Variants in MLIP observed in about 807,000 individuals in gnomAD.
MLIP encodes muscular LMNA-interacting protein.
In MLIP, 79 loss-of-function variants were observed where a neutral mutation model predicts 84.8. The ratio of observed to expected loss-of-function variants is 0.93; its 90% CI spans 0.78 to 1.12. MLIP has a LOEUF of 1.12. Among genes scored for constraint, MLIP ranks in the 50% most tolerant of loss-of-function variants. The probability of loss-of-function intolerance (pLI) is 0.00; values close to 1 mark genes in which losing one functional copy is unlikely to be tolerated. For missense variants in MLIP, 1,257 were observed against 1,160.6 expected, an observed-to-expected ratio of 1.08 and a Z score of -1.21; for synonymous variants, 504 against 463.0, an observed-to-expected ratio of 1.09 and a Z score of -1.14.
intron 11 of MLIP, chr6:54,215,033 TA>T (rs1301638234): frequency 1.4e-6 from 1 of 718,224 alleles, no homozygotes; most frequent in African/African-American, 1.8e-5. Context: ...TAGATTCTAG[TA>T]AGTTCTCAAT....
intron 10 of MLIP, among the ~76,000 whole-genome samples, chr6:54,195,514 T>A (rs868509685): frequency 1.3e-5 from 2 of 152,148 alleles, no homozygotes; most frequent in South Asian, 4.1e-4. Flanking sequence ...CGCTGGTAGT[T>A]AATCTCCAAC....
chr6:54,203,130 G>A lies in MLIP; in HGVS notation c.2718+897G>A, dbSNP rs538579004. ...GATTCTCCTTATATATGTTGAAGGA[G>A]GTATAATGGAGAATTGTCAATGGTG... is the stretch of plus-strand genomic sequence containing the variant. On this transcript the variant is annotated intron_variant, in intron 11 of 13. Transcript: ENST00000502396. 8.5e-5 allele frequency among the ~76,000 whole-genome samples: 13 copies of A among 152,102 alleles called. No individual in the cohort carries two copies. The East Asian group carries it at 2.1e-3, about 25-fold the overall frequency.
At chr6:54,219,253 A>G (rs1780058507) in intron 11 of MLIP, among the ~76,000 whole-genome samples, 1 of 151,414 alleles carries the variant, frequency 6.6e-6, no homozygotes, top group South Asian at 2.1e-4. Flanking sequence ...ATAAAAAGAT[A>G]CAAACACATT....
chr6:54,065,659 G>A lies in MLIP; in HGVS notation c.63+46568G>A, dbSNP rs988760789. On this transcript the variant is annotated intron_variant, in intron 1 of 12. Coordinates refer to the MLIP transcript ENST00000274897. ...GTCAATCTTAGACAGCATCTGAAGC[G>A]GTTGGGTGGATTTTGGTTCCCTCCA... is the stretch of plus-strand genomic sequence containing the variant. 6.0e-5 allele frequency among the ~76,000 whole-genome samples: 6 copies of A among 99,444 alleles called. 1 individual carries two copies. The highest frequency in any genetic ancestry group is 1.0e-4 in the African/African-American group (4 of 38,896). The allele number at this position is 99,444 out of a possible 152,430, so 65.2% of individuals were successfully genotyped here. A position where few individuals can be genotyped will look rare whatever the true frequency, so the allele number is the denominator to read the frequency against.
At chr6:54,186,685 G>A (rs1034501309) in intron 9 of MLIP, among the ~76,000 whole-genome samples, 7 of 152,142 alleles carry the variant, frequency 4.6e-5, no homozygotes, top group African/African-American at 1.7e-4. Flanking sequence ...CAGCTTTTGT[G>A]AGAACTCACT....
At chr6:54,240,846 C>T (rs974099621) in intron 12 of MLIP, among the ~76,000 whole-genome samples, 1 of 152,042 alleles carries the variant, frequency 6.6e-6, no homozygotes, top group Non-Finnish European at 1.5e-5. Context: ...CGTGGTGGCA[C>T]GCACCTGTAG....
intron 1 of MLIP, among the ~76,000 whole-genome samples, chr6:54,101,708 T>C (rs1251863329): frequency 6.6e-6 from 1 of 152,154 alleles, no homozygotes; most frequent in Non-Finnish European, 1.5e-5. Context: ...ATGTAGCCAT[T>C]CAACAATAAT....
At chr6:54,037,120 A>G (rs1227322095) in intron 1 of MLIP, among the ~76,000 whole-genome samples, 5 of 151,906 alleles carry the variant, frequency 3.3e-5, no homozygotes, top group Non-Finnish European at 4.4e-5. Context: ...GTCTCTAACC[A>G]TTTGTATTGC....
intron 1 of MLIP, among the ~76,000 whole-genome samples, chr6:54,113,585 A>G (rs748403495): frequency 6.6e-6 from 1 of 152,202 alleles, no homozygotes; most frequent in Non-Finnish European, 1.5e-5. Flanking sequence ...TTGAAAATTA[A>G]AAGTTTTTAA....
intron 8 of MLIP, among the ~76,000 whole-genome samples, chr6:54,169,303 A>T (rs1475427485): frequency 6.6e-6 from 1 of 151,758 alleles, no homozygotes; most frequent in East Asian, 1.9e-4. Context: ...ATGAGTTGAC[A>T]TCATCAATAA....
At chr6:54,051,638 T>C (rs535677935) in intron 1 of MLIP, among the ~76,000 whole-genome samples, 1 of 152,152 alleles carries the variant, frequency 6.6e-6, no homozygotes, top group Admixed American at 6.5e-5. Context: ...AAAAAGAAAA[T>C]CTGGGATTCT....
rs184612854 is a variant in MLIP at position 54,239,139 on chromosome 6, T to C, written c.2922+8222T>C. On this transcript the variant is annotated intron_variant, in intron 12 of 13. Coordinates refer to ENST00000502396, the MANE Select transcript of MLIP (RefSeq NM_001281747.2). ...GTCTCTTAAAAAATCTCTACCACTATAGCTTTCACTTCATAGCCAGAGCAG... is the reference window on the plus strand; with the variant it reads ...GTCTCTTAAAAAATCTCTACCACTACAGCTTTCACTTCATAGCCAGAGCAG... Among the ~76,000 whole-genome samples the C allele has an allele frequency of 2.6e-3, 400 of 152,030 alleles. 3 individuals are homozygous for C. Among genetic ancestry groups the C allele is most frequent in the Middle Eastern group, 0.017 (5 of 294 alleles).
upstream of MLIP, among the ~76,000 whole-genome samples, chr6:54,107,705 G>A (rs558302371): frequency 2.4e-4 from 37 of 152,308 alleles, no homozygotes; most frequent in African/African-American, 8.7e-4. Context: ...CTCCCGTCAC[G>A]AGTGAAGGTG....
chr6:54,241,841 G>A (rs191457590), intron 12 of MLIP, among the ~76,000 whole-genome samples: 36 of 152,224 alleles, frequency 2.4e-4, no homozygotes, highest in Non-Finnish European at 4.6e-4. Context: ...GGGGATGAGA[G>A]TGAGCAAATA....
intron 10 of MLIP, among the ~76,000 whole-genome samples, chr6:54,198,898 ATG>A (rs1038018233): frequency 1.2e-5 from 1 of 82,500 alleles, no homozygotes; most frequent in African/African-American, 2.8e-5. Context: ...GTGTGTGTAT[ATG>A]TGTGTGTGTG....
intron 12 of MLIP, among the ~76,000 whole-genome samples, chr6:54,249,614 A>G (rs942780208): frequency 6.6e-6 from 1 of 151,806 alleles, no homozygotes; most frequent in Non-Finnish European, 1.5e-5. Context: ...AGTAAAACCA[A>G]TCAACTAGTG....
At chr6:54,022,286 A>G (rs1763539901) in intron 1 of MLIP, among the ~76,000 whole-genome samples, 1 of 152,234 alleles carries the variant, frequency 6.6e-6, no homozygotes, top group African/African-American at 2.4e-5. Flanking sequence ...TCTGGAGGTT[A>G]ATCCAGTGTT....
At chr6:54,072,791 G>A (rs1766564602) in intron 1 of MLIP, among the ~76,000 whole-genome samples, 1 of 152,172 alleles carries the variant, frequency 6.6e-6, no homozygotes, top group Admixed American at 6.5e-5. Context: ...TGAATATTTT[G>A]TGTAAATGTA....
At chr6:54,151,166 T>C (rs1773403256) in intron 5 of MLIP, among the ~76,000 whole-genome samples, 1 of 152,152 alleles carries the variant, frequency 6.6e-6, no homozygotes, top group African/African-American at 2.4e-5. Context: ...AAGTGAATTT[T>C]TTTTTCTTTA....
Sources: gnomAD v4.1 joint callset for allele counts (sites outside exome capture counted in the v4.1 genomes callset) on GRCh38, gnomAD v4.1.1 for gene constraint, MANE v1.5 for transcripts, NCBI Gene and HGNC (gene_info 2026-07-23, HGNC 2026-07-21) for gene names.